Variants in COL25A1 observed in about 807,000 individuals in gnomAD.
COL25A1 encodes the protein collagen alpha-1(XXV) chain.
In COL25A1, 103 loss-of-function variants were observed where a neutral mutation model predicts 128.4. The observed-to-expected ratio is 0.80, with a 90% confidence interval of 0.68 to 0.94. The LOEUF is 0.94. Among genes scored for constraint, COL25A1 ranks in the 40% least tolerant of loss-of-function variants. The probability of loss-of-function intolerance (pLI) is 0.00; values close to 1 mark genes in which losing one functional copy is unlikely to be tolerated. For synonymous variants in COL25A1, 279 were observed against 277.2 expected (o/e 1.01, Z -0.06); for missense variants, 745 against 840.0 (o/e 0.89, Z 1.40).
At chr4:109,229,444 T>C (rs1211006999) in intron 3 of COL25A1, among the ~76,000 whole-genome samples, 1 of 152,220 alleles carries the variant, frequency 6.6e-6, no homozygotes, top group Non-Finnish European at 1.5e-5. Context: ...ATATATATTG[T>C]TGATTCATTA....
At chr4:108,829,618 C>T (rs1452689) in intron 32 of COL25A1, among the ~76,000 whole-genome samples, 21,474 of 151,730 alleles carry the variant, frequency 0.14, 1,575 homozygotes, top group East Asian at 0.26. Flanking sequence ...TAACCATTCC[C>T]TTCTCACTTG....
chr4:109,088,931 T>C (rs1764657125), intron 3 of COL25A1, among the ~76,000 whole-genome samples: 1 of 152,218 alleles, frequency 6.6e-6, no homozygotes, highest in Non-Finnish European at 1.5e-5. Flanking sequence ...TACCCTCTTC[T>C]CTTAGAAATC....
chr4:108,889,231 G>A lies in COL25A1; in HGVS notation c.965C>T (p.Pro322Leu). Residue 322 changes from proline (P) to leucine (L), a missense_variant, in exon 18 of 38, where the codon CCA (proline) becomes CTA (leucine). Coordinates refer to ENST00000399132, the MANE Select transcript of COL25A1 (RefSeq NM_198721.4). ...IKGEPGESGR[P>L]GQKGEPGLPG... Reference sequence around the variant, plus strand: ...AGATAGAGATATTACCTTTTGCCCTGGACGACCAGATTCCCCAGGTTCTCC... The same window carrying A: ...AGATAGAGATATTACCTTTTGCCCTAGACGACCAGATTCCCCAGGTTCTCC... 6.2e-7 allele frequency: 1 copy of A among 1,613,472 alleles called. No homozygotes were observed. Among genetic ancestry groups the A allele is most frequent in the South Asian group, 1.1e-5 (1 of 91,048 alleles).
At chr4:109,006,051 A>G (rs942443709) in intron 6 of COL25A1, among the ~76,000 whole-genome samples, 2 of 152,236 alleles carry the variant, frequency 1.3e-5, no homozygotes, top group African/African-American at 4.8e-5. Context: ...AGGAAAAAAG[A>G]AAAAGAAGAT....
intron 3 of COL25A1, among the ~76,000 whole-genome samples, chr4:109,051,378 A>G (rs909434658): frequency 1.3e-5 from 2 of 152,192 alleles, no homozygotes; most frequent in African/African-American, 4.8e-5. Flanking sequence ...TTAAGAAACA[A>G]TTGAGCAATA....
intron 6 of COL25A1, among the ~76,000 whole-genome samples, chr4:108,980,526 T>C (rs1046715304): frequency 1.3e-5 from 2 of 152,230 alleles, no homozygotes; most frequent in Non-Finnish European, 2.9e-5. Context: ...TTTAGTGTTA[T>C]ATTTCAAATC....
At position 109,164,993 on chromosome 4, in the gene COL25A1, T is replaced by C. The variant is rs548448349; in HGVS notation, c.368-114814A>G. ...ATTCTGTGGTTTTAGACTCCATATCTGAATTCAGAGACATCTTCCAAATGT... is the reference window on the plus strand; with the variant it reads ...ATTCTGTGGTTTTAGACTCCATATCCGAATTCAGAGACATCTTCCAAATGT... On this transcript the variant is annotated intron_variant, in intron 3 of 37. Coordinates refer to ENST00000399132, the MANE Select transcript of COL25A1 (RefSeq NM_198721.4). Among the ~76,000 whole-genome samples, 6 of 152,340 alleles carry C rather than the reference T, an allele frequency of 3.9e-5. No individual in the cohort carries two copies. The East Asian group carries it at 1.2e-3, about 29-fold the overall frequency.
intron 3 of COL25A1, among the ~76,000 whole-genome samples, chr4:109,244,542 A>G (rs1780132980): frequency 6.6e-6 from 1 of 152,188 alleles, no homozygotes; most frequent in African/African-American, 2.4e-5. Context: ...CACAAACTGC[A>G]GCCCTGAGAA....
At chr4:108,878,451 C>T (rs1460509250) in intron 19 of COL25A1, among the ~76,000 whole-genome samples, 1 of 152,144 alleles carries the variant, frequency 6.6e-6, no homozygotes, top group Non-Finnish European at 1.5e-5. Context: ...TAATATTCCT[C>T]TTGCTTAAAG....
chr4:108,934,458 C>T (rs1363118144), intron 11 of COL25A1, among the ~76,000 whole-genome samples: 1 of 151,942 alleles, frequency 6.6e-6, no homozygotes, highest in African/African-American at 2.4e-5. Flanking sequence ...ACATTGTGCA[C>T]ATGTACCCTA....
intron 6 of COL25A1, among the ~76,000 whole-genome samples, chr4:108,988,278 T>C (rs1195229037): frequency 1.3e-5 from 2 of 152,198 alleles, no homozygotes; most frequent in East Asian, 3.9e-4. Flanking sequence ...ATCCAATAAA[T>C]ACATTAGCAT....
intron 3 of COL25A1, among the ~76,000 whole-genome samples, chr4:109,057,928 TACTGGA>T (rs550502922): frequency 4.1e-4 from 63 of 152,312 alleles, no homozygotes; most frequent in Non-Finnish European, 8.7e-4. Flanking sequence ...CACAAGGACA[TACTGGA>T]AAATACTACT....
intron 3 of COL25A1, among the ~76,000 whole-genome samples, chr4:109,104,419 T>TCTCTC (rs61092687): frequency 2.0e-5 from 3 of 151,078 alleles, no homozygotes; most frequent in African/African-American, 7.3e-5. Flanking sequence ...TCTCTCTCTC[T>TCTCTC]TTTTTGCAAT....
At chr4:108,840,148 G>A (rs187597398) in intron 31 of COL25A1, among the ~76,000 whole-genome samples, 2,013 of 150,738 alleles carry the variant, frequency 0.013, 47 homozygotes, top group African/African-American at 0.046. Flanking sequence ...AGGCTGAGGC[G>A]GAAGAATCAC....
intron 3 of COL25A1, among the ~76,000 whole-genome samples, chr4:109,058,942 T>TTC (rs1761692243): frequency 6.6e-6 from 1 of 151,298 alleles, no homozygotes; most frequent in African/African-American, 2.4e-5. Context: ...CGAGTAAGAG[T>TTC]AGGAGTAGTT....
At chr4:109,194,754 C>G (rs1775890089) in intron 3 of COL25A1, among the ~76,000 whole-genome samples, 1 of 152,074 alleles carries the variant, frequency 6.6e-6, no homozygotes, top group Non-Finnish European at 1.5e-5. Context: ...CTACCAGTAT[C>G]CATGCGCTTT....
At chr4:109,108,583 C>G (rs1242000678) in intron 3 of COL25A1, among the ~76,000 whole-genome samples, 3 of 152,074 alleles carry the variant, frequency 2.0e-5, no homozygotes, top group Non-Finnish European at 4.4e-5. Context: ...ATTTCTAGTT[C>G]TAGATCCTTG....
intron 32 of COL25A1, among the ~76,000 whole-genome samples, chr4:108,831,297 T>C (rs1305660506): frequency 6.6e-6 from 1 of 152,128 alleles, no homozygotes. Flanking sequence ...TTTACCTAAG[T>C]GGGAGGAGAG....
intron 3 of COL25A1, among the ~76,000 whole-genome samples, chr4:109,169,204 G>T (rs2126128921): frequency 6.6e-6 from 1 of 152,092 alleles, no homozygotes; most frequent in Non-Finnish European, 1.5e-5. Flanking sequence ...CCTCTTTTCT[G>T]CCCATATGTG....
Sources: gnomAD v4.1 joint callset for allele counts (sites outside exome capture counted in the v4.1 genomes callset) on GRCh38, gnomAD v4.1.1 for gene constraint, MANE v1.5 for transcripts, NCBI Gene and HGNC (gene_info 2026-07-23, HGNC 2026-07-21) for gene names.